The following MRC2 variants were observed in gnomAD, a reference collection of about 807,000 sequenced individuals.
The protein encoded by MRC2 is C-type mannose receptor 2.
In MRC2, 84 loss-of-function variants were observed where a neutral mutation model predicts 206.2. That is an observed-to-expected ratio of 0.41 (90% CI 0.34 to 0.49). The LOEUF (loss-of-function observed/expected upper bound fraction) is 0.49, where lower values mean the gene tolerates loss of function less well. Among genes scored for constraint, MRC2 ranks in the 20% least tolerant of loss-of-function variants. MRC2 has a pLI of 0.31. For synonymous variants in MRC2, 798 were observed against 800.0 expected (o/e 1.00, Z 0.04); for missense variants, 1,676 against 2,001.5 (o/e 0.84, Z 3.10).
At chr17:62,676,572 G>T (rs200300724) in intron 11 of MRC2, 41 bp downstream of exon 11, 7 of 1,549,938 alleles carry the variant, frequency 4.5e-6, no homozygotes, top group Non-Finnish European at 6.1e-6. Flanking sequence ...AGCGAGGAGG[G>T]AGGCCAGGGT....
chr17:62,633,730 A>G (rs2088275522), intron 1 of MRC2, among the ~76,000 whole-genome samples: 1 of 150,550 alleles, frequency 6.6e-6, no homozygotes, highest in South Asian at 2.1e-4. Context: ...AGTCCCAGCT[A>G]CTGGGCAGGC....
Position 62,692,101 on chromosome 17 carries a change from C to T in MRC2, c.4193-11C>T, listed in dbSNP as rs746024415. ...TGCTATTATTAACTGGCCCCCTCCT[C>T]TTGCCCACAGCTGAGCAGAGCAGCT... is the stretch of plus-strand genomic sequence containing the variant. On this transcript the variant is annotated splice_polypyrimidine_tract_variant and intron_variant, in intron 28 of 29. Transcript: ENST00000303375. The surrounding 1 kb of genome is among the most constrained non-coding windows in gnomAD (Gnocchi z 4.2). 1.2e-6 allele frequency: 2 copies of T among 1,614,130 alleles called. No homozygotes were observed. Among genetic ancestry groups the T allele is most frequent in the Non-Finnish European group, 1.7e-6 (2 of 1,180,056 alleles).
Position 62,676,536 on chromosome 17 carries a change from GC to G in MRC2, c.1834+9del. The G allele has an allele frequency of 8.2e-6, 13 of 1,578,280 alleles. No homozygotes were observed. Among genetic ancestry groups the G allele is most frequent in the Non-Finnish European group, 1.1e-5 (13 of 1,162,434 alleles). On this transcript the variant is annotated splice_donor_region_variant and intron_variant, in intron 11 of 29. Coordinates refer to ENST00000303375, the MANE Select transcript of MRC2 (RefSeq NM_006039.5). ...ACTGGAACCGGGACCAGCCCGGTGA[GC>G]CCCTTATTTGACTTGCCTTGGTGAA...
At position 62,692,144 on chromosome 17, in the gene MRC2, T is replaced by C; in HGVS notation, c.4219+6T>C. The C allele has an allele frequency of 2.5e-6, 4 of 1,614,144 alleles. No homozygotes were observed. The South Asian group carries it at 4.4e-5, about 18-fold the overall frequency. On this transcript the variant is annotated splice_donor_region_variant and intron_variant, in intron 29 of 29. Transcript: ENST00000303375. The surrounding 1 kb of genome is among the most constrained non-coding windows in gnomAD (Gnocchi z 4.2). The stretch of plus-strand genomic sequence containing the variant: ...GAGCAGCTTCTCCCCATCAGGTGAG[T>C]GAAAGGCAATGCCCCCAGGTGGGCA...
Position 62,671,543 on chromosome 17 carries a change from AGAG to A in MRC2, c.1118-101_1118-99del, listed in dbSNP as rs746959018. The stretch of plus-strand genomic sequence containing the variant: ...CCGGGATTGATCTGGGAGAGTTTGG[AGAG>A]GAGGTGACTGGGAGGCCTCGCCTGT... On this transcript the variant is annotated intron_variant, in intron 6 of 29. Transcript: ENST00000303375. The surrounding 1 kb of genome is among the most constrained non-coding windows in gnomAD (Gnocchi z 4.5). 8.1e-5 allele frequency: 82 copies of A among 1,007,158 alleles called. No individual in the cohort carries two copies. The highest frequency in any genetic ancestry group is 1.2e-4 in the Non-Finnish European group (81 of 698,022). The allele number at this position is 1,007,158 out of a possible 1,614,324, so 62.4% of individuals were successfully genotyped here.
Position 62,688,589 on chromosome 17 carries a change from G to A in MRC2, c.3150G>A (p.Gln1050=), listed in dbSNP as rs2089061382. The change falls in exon 22 of 30, where the codon CAG becomes CAA. Residue 1050 remains glutamine, a synonymous_variant. Coordinates refer to ENST00000303375, the MANE Select transcript of MRC2 (RefSeq NM_006039.5). The part of the protein sequence containing the change: ...ASQRDFQWVE[Q]EPLMYANWAP... ...AGAGGGACTTCCAGTGGGTGGAGCA[G>A]GAGCCTTTGATGTATGCCAACTGGG... The A allele has an allele frequency of 6.2e-7, 1 of 1,614,242 alleles. No homozygotes were observed. Among genetic ancestry groups the A allele is most frequent in the Non-Finnish European group, 8.5e-7 (1 of 1,180,036 alleles).
At chr17:62,673,410 A>C (rs115616566) in intron 8 of MRC2, among the ~76,000 whole-genome samples, 119 of 152,294 alleles carry the variant, frequency 7.8e-4, no homozygotes, top group African/African-American at 2.7e-3. Context: ...TGGGAATCCA[A>C]GCTGTCTATC....
chr17:62,679,382 G>C, intron 13 of MRC2: 1 of 165,926 alleles, frequency 6.0e-6, no homozygotes, highest in East Asian at 1.7e-4. Context: ...TGGGTTGATA[G>C]AGAGGTTATT....
Position 62,680,081 on chromosome 17 carries a change from G to A in MRC2, c.2299-89G>A. 1.3e-6 allele frequency: 2 copies of A among 1,582,670 alleles called. No individual in the cohort carries two copies. The highest frequency in any genetic ancestry group is 1.2e-5 in the South Asian group (1 of 86,312). On this transcript the variant is annotated intron_variant, in intron 14 of 29. Coordinates refer to ENST00000303375, the MANE Select transcript of MRC2 (RefSeq NM_006039.5). The surrounding 1 kb of genome is among the most constrained non-coding windows in gnomAD (Gnocchi z 4.8). ...GCCCCCGGTGAGAATTCGCAGCTCA[G>A]GCCAGGCCTCTTGTTCACCTGTTCC...
intron 2 of MRC2, among the ~76,000 whole-genome samples, chr17:62,665,271 A>G (rs1487773876): frequency 1.3e-5 from 2 of 151,856 alleles, no homozygotes; most frequent in Non-Finnish European, 2.9e-5. Context: ...GTGGTGGAGC[A>G]TGCCCATCAT....
chr17:62,662,222 C>T (rs902260893), intron 1 of MRC2, among the ~76,000 whole-genome samples: 1 of 151,684 alleles, frequency 6.6e-6, no homozygotes, highest in Non-Finnish European at 1.5e-5. Context: ...TGCACTCTAG[C>T]CTGGGTGACA....
intron 1 of MRC2, among the ~76,000 whole-genome samples, chr17:62,661,208 T>C (rs571863740): frequency 2.0e-5 from 3 of 152,308 alleles, no homozygotes; most frequent in Admixed American, 2.0e-4. Context: ...CCAGATCATG[T>C]TAAATTGTGG....
intron 8 of MRC2, among the ~76,000 whole-genome samples, chr17:62,673,383 G>A (rs2088850586): frequency 6.6e-6 from 1 of 152,170 alleles, no homozygotes; most frequent in Non-Finnish European, 1.5e-5. Context: ...GGCCCTGCAG[G>A]CACTAGCTAG....
In MRC2 at chr17:62,691,096, T is replaced by C; in HGVS notation, c.4160T>C (p.Ile1387Thr). Reference sequence around the variant, plus strand: ...TGGCGCCCCGGCGCTTGCACCAACATCACCATGGGTGTCGTCTGCAAGCTT... The same window carrying C: ...TGGCGCCCCGGCGCTTGCACCAACACCACCATGGGTGTCGTCTGCAAGCTT... Reference protein sequence around the residue: ...GLWRPGACTNITMGVVCKLPR... With the variant: ...GLWRPGACTNTTMGVVCKLPR... Residue 1387 changes from isoleucine (I) to threonine (T), a missense_variant, in exon 28 of 30, where the codon ATC (isoleucine) becomes ACC (threonine). By Grantham distance (89) the Ile-to-Thr change is moderately conservative. Coordinates refer to ENST00000303375, the MANE Select transcript of MRC2 (RefSeq NM_006039.5). 6.2e-7 allele frequency: 1 copy of C among 1,609,362 alleles called. No homozygotes were observed. The highest frequency in any genetic ancestry group is 1.1e-5 in the South Asian group (1 of 90,392).
chr17:62,638,380 TAAGAA>T (rs1385915475), intron 1 of MRC2, among the ~76,000 whole-genome samples: 1 of 152,078 alleles, frequency 6.6e-6, no homozygotes, highest in African/African-American at 2.4e-5. Context: ...TAAACTGTTA[TAAGAA>T]AATAATGTGA....
Position 62,675,462 on chromosome 17 carries a change from C to T in MRC2, c.1570-328C>T, listed in dbSNP as rs556989569. 6.6e-6 allele frequency among the ~76,000 whole-genome samples: 1 copy of T among 152,306 alleles called. No individual in the cohort carries two copies. The highest frequency in any genetic ancestry group is 2.1e-4 in the South Asian group (1 of 4,830). The stretch of plus-strand genomic sequence containing the variant: ...GTTTCCCAGCCAACAGTAATTTCCC[C>T]ACTGTGTCTCTTGGTTTAAATGCCC... On this transcript the variant is annotated intron_variant, in intron 9 of 29. Coordinates refer to ENST00000303375, the MANE Select transcript of MRC2 (RefSeq NM_006039.5). This position sits in a 1 kb window ranked among gnomAD's most constrained non-coding sequence, Gnocchi z 4.1.
chr17:62,632,824 G>A (rs372042205), intron 1 of MRC2, among the ~76,000 whole-genome samples: 6 of 152,214 alleles, frequency 3.9e-5, no homozygotes, highest in African/African-American at 1.4e-4. Context: ...GAGGGCACAT[G>A]TAGGGAACAC....
chr17:62,659,746 G>A (rs1598979581), intron 1 of MRC2, among the ~76,000 whole-genome samples: 1 of 152,278 alleles, frequency 6.6e-6, no homozygotes, highest in East Asian at 1.9e-4. Context: ...GAGGGGCAGG[G>A]TCCCTGCCCC....
chr17:62,680,077 C>T lies in MRC2; in HGVS notation c.2299-93C>T, dbSNP rs2088943152. On this transcript the variant is annotated intron_variant, in intron 14 of 29. Coordinates refer to ENST00000303375, the MANE Select transcript of MRC2 (RefSeq NM_006039.5). The surrounding 1 kb of genome is among the most constrained non-coding windows in gnomAD (Gnocchi z 4.8). ...CCCGGCCCCCGGTGAGAATTCGCAG[C>T]TCAGGCCAGGCCTCTTGTTCACCTG... 13 of 1,573,440 alleles carry T rather than the reference C, an allele frequency of 8.3e-6. No individual in the cohort carries two copies. Among genetic ancestry groups the T allele is most frequent in the African/African-American group, 1.3e-5 (1 of 74,230 alleles).
Sources: allele counts gnomAD v4.1 joint callset (sites outside exome capture counted in the v4.1 genomes callset), GRCh38; gene constraint gnomAD v4.1.1; non-coding constraint Gnocchi (gnomAD v3.1); transcripts MANE v1.5; gene names NCBI Gene and HGNC (gene_info 2026-07-23, HGNC 2026-07-21).